The following DDX47 variants were observed in gnomAD, a reference collection of about 807,000 sequenced individuals.
The protein encoded by DDX47 is DEAD-box helicase 47.
Under a neutral mutation model 58.8 loss-of-function variants are expected in DDX47, and 60 were observed. The ratio of observed to expected loss-of-function variants is 1.02; its 90% CI spans 0.83 to 1.26. The LOEUF (loss-of-function observed/expected upper bound fraction) is 1.26, where lower values mean the gene tolerates loss of function less well. DDX47 is among the 50% of genes most tolerant of loss of function. DDX47 has a pLI of 0.00. For missense variants in DDX47, 530 were observed against 573.2 expected (o/e 0.92, Z 0.77); for synonymous variants, 197 against 204.6 (o/e 0.96, Z 0.32).
intron 11 of DDX47, among the ~76,000 whole-genome samples, chr12:12,827,766 T>G (rs1863074542): frequency 6.6e-6 from 1 of 152,192 alleles, no homozygotes; most frequent in African/African-American, 2.4e-5. Context: ...TTATGGGGTT[T>G]TATGAGCACC....
chr12:12,813,738 C>G (rs1862850564), intron 1 of DDX47, among the ~76,000 whole-genome samples: 2 of 152,156 alleles, frequency 1.3e-5, no homozygotes, highest in Admixed American at 1.3e-4. Flanking sequence ...GAATTGGTCT[C>G]TTTATAACTG....
chr12:12,829,549 C>G lies in DDX47; in HGVS notation c.1363C>G (p.Arg455Gly). ...AGGAAAAATGAAGAAGCGGAAAGGC[C>G]GTTAATCACTTTTATGAAGGCTCGA... ...AGGKMKKRKGR is the reference protein window; with the variant it reads ...AGGKMKKRKGG Residue 455 changes from arginine to glycine, a missense_variant, in exon 12 of 12, where the codon CGT becomes GGT. Transcript: ENST00000358007. The G allele has an allele frequency of 6.2e-7, 1 of 1,613,140 alleles. No individual in the cohort carries two copies. The highest frequency in any genetic ancestry group is 1.3e-5 in the African/African-American group (1 of 74,960).
intron 2 of DDX47, among the ~76,000 whole-genome samples, chr12:12,816,063 A>C (rs896930790): frequency 6.6e-6 from 1 of 152,162 alleles, no homozygotes; most frequent in Non-Finnish European, 1.5e-5. Context: ...AGGGGTGGGG[A>C]AAATCTAAGT....
At chr12:12,829,014 A>T (rs1315706905) in intron 11 of DDX47, among the ~76,000 whole-genome samples, 1 of 152,182 alleles carries the variant, frequency 6.6e-6, no homozygotes, top group East Asian at 1.9e-4. Flanking sequence ...TTACTTCCTT[A>T]GAATAAATTC....
At chr12:12,815,343 A>G (rs1412878567) in intron 2 of DDX47, among the ~76,000 whole-genome samples, 1 of 152,162 alleles carries the variant, frequency 6.6e-6, no homozygotes, top group African/African-American at 2.4e-5. Context: ...ACAAAATTCC[A>G]TTTGCTCTTT....
chr12:12,819,189 A>C (rs1008579654), intron 2 of DDX47, among the ~76,000 whole-genome samples: 8 of 152,050 alleles, frequency 5.3e-5, no homozygotes, highest in Non-Finnish European at 1.0e-4. Flanking sequence ...GTTCTTTCTC[A>C]GTCTCTTCTT....
intron 7 of DDX47, 177 bp from the exon 8 acceptor site, chr12:12,823,693 G>A: frequency 1.6e-6 from 1 of 637,022 alleles, no homozygotes; most frequent in South Asian, 2.0e-5. Context: ...AAGGCTAAGT[G>A]GGGAATATGT....
At position 12,821,494 on chromosome 12, in the gene DDX47, A is replaced by G. The variant is rs979313232; in HGVS notation, c.370+98A>G. On this transcript the variant is annotated intron_variant, in intron 3 of 11. Transcript: ENST00000358007. The stretch of plus-strand genomic sequence containing the variant: ...GAGGAAAGTATTGCTAGCATAATTT[A>G]TTGACCTAAAGAGCTAATGTTGTAT... The G allele has an allele frequency of 8.0e-6, 12 of 1,492,966 alleles. No homozygotes were observed. The Admixed American group carries it at 1.2e-4, about 15-fold the overall frequency. The allele number at this position is 1,492,966 out of a possible 1,614,324, so 92.5% of individuals were successfully genotyped here.
intron 9 of DDX47, among the ~76,000 whole-genome samples, chr12:12,825,409 AACAGCATC>A (rs1863037846): frequency 6.6e-6 from 1 of 152,162 alleles, no homozygotes; most frequent in Non-Finnish European, 1.5e-5. Flanking sequence ...CCCAGTAGAT[AACAGCATC>A]ACACAGTCTT....
chr12:12,821,679 C>A lies in DDX47; in HGVS notation c.395C>A (p.Ser132Ter), dbSNP rs1426392252. The change falls in exon 4 of 12, where the codon TCA (serine) becomes TAA (stop). Residue 132 changes from serine (S) to a stop codon, truncating the protein, a stop_gained. Transcript: ENST00000358007. LOFTEE classifies it high-confidence loss of function. Reference protein sequence around the residue: ...QSAVIVGGIDSMSQSLALAKK... With the variant: ...QSAVIVGGID The stretch of plus-strand genomic sequence containing the variant: ...GCTGTGATTGTAGGTGGAATTGATT[C>A]AATGTCTCAATCTTTGGCCCTTGCA... 1.2e-6 allele frequency: 2 copies of A among 1,613,810 alleles called. No homozygotes were observed. The highest frequency in any genetic ancestry group is 1.7e-6 in the Non-Finnish European group (2 of 1,179,890).
rs532810195 is a variant in DDX47, at chr12:12,827,022, G to A, written c.1107-224G>A. ...TTCTCCTGCTTTGACCTCCCAAAGC[G>A]TTGGGATTACAGGTGCAAGCCACCA... On this transcript the variant is annotated intron_variant, in intron 10 of 11. Coordinates refer to ENST00000358007, the MANE Select transcript of DDX47 (RefSeq NM_016355.4). Among the ~76,000 whole-genome samples the A allele has an allele frequency of 1.2e-4, 19 of 152,266 alleles. 1 individual carries two copies. The South Asian group carries it at 3.3e-3, about 27-fold the overall frequency.
chr12:12,821,887 CTT>C, intron 4 of DDX47, 76 bp from the exon 5 acceptor site: 1 of 1,220,908 alleles, frequency 8.2e-7, no homozygotes, highest in Non-Finnish European at 1.2e-6. Flanking sequence ...GGGCAGATAA[CTT>C]TATTTGTTTA....
chr12:12,823,687 C>T, intron 7 of DDX47, 183 bp from the exon 8 acceptor site: 1 of 625,990 alleles, frequency 1.6e-6, no homozygotes, highest in Non-Finnish European at 2.7e-6. Flanking sequence ...TGCCTTAAGG[C>T]TAAGTGGGGA....
Position 12,829,803 on chromosome 12 carries a change from T to TTAA in DDX47, c.*249_*250insTAA. On this transcript the variant is annotated 3_prime_UTR_variant, in exon 12 of 12. Coordinates refer to ENST00000358007, the MANE Select transcript of DDX47 (RefSeq NM_016355.4). ...ATGACATGAGTAGGGTGTGCTCTTC[T>TTAA]GTCACTTCACACAGACCTTTTGCCT... is the stretch of plus-strand genomic sequence containing the variant. The TTAA allele has an allele frequency of 2.9e-6, 1 of 343,340 alleles. No homozygotes were observed. The allele number at this position is 343,340 out of a possible 1,614,324, so 21.3% of individuals were successfully genotyped here.
At chr12:12,818,348 C>T (rs1471574917) in intron 2 of DDX47, among the ~76,000 whole-genome samples, 3 of 152,012 alleles carry the variant, frequency 2.0e-5, no homozygotes, top group South Asian at 4.1e-4. Context: ...GGTGAAACCC[C>T]GTCTCTACTA....
chr12:12,829,613 C>T lies in DDX47; in HGVS notation c.*59C>T. ...GTAAAAGAGAATTGGAGAATGAAAC[C>T]TGCTCCAACAGAGATCATGAGACTG... is the stretch of plus-strand genomic sequence containing the variant. On this transcript the variant is annotated 3_prime_UTR_variant, in exon 12 of 12. Transcript: ENST00000358007. The T allele has an allele frequency of 6.3e-7, 1 of 1,583,008 alleles. No individual in the cohort carries two copies. The highest frequency in any genetic ancestry group is 1.8e-5 in the Admixed American group (1 of 56,028).
At chr12:12,822,839 C>T (rs961019789) in intron 6 of DDX47, 107 bp downstream of exon 6, 1 of 902,186 alleles carries the variant, frequency 1.1e-6, no homozygotes. Context: ...TTTCACACTG[C>T]TATAAAGAAC....
At chr12:12,814,301 A>C in intron 2 of DDX47, 77 bp downstream of exon 2, 1 of 916,960 alleles carries the variant, frequency 1.1e-6, no homozygotes, top group Non-Finnish European at 1.8e-6. Flanking sequence ...TGTTGCTTGC[A>C]TACTTCAAGT....
chr12:12,813,399 C>T lies in DDX47; in HGVS notation c.32C>T (p.Thr11Ile), dbSNP rs1480227856. The change falls in exon 1 of 12, where the codon ACC becomes ATC. Residue 11 changes from threonine to isoleucine, a missense_variant. Coordinates refer to ENST00000358007, the MANE Select transcript of DDX47 (RefSeq NM_016355.4). ...GCACCCGAGGAACACGATTCTCCGA[C>T]CGAAGCGTCCCAGCCGATTGTGGAA... MAAPEEHDSPTEASQPIVEEE... is the reference protein window; with the variant it reads MAAPEEHDSPIEASQPIVEEE... 6.2e-7 allele frequency: 1 copy of T among 1,613,408 alleles called. No individual in the cohort carries two copies. Among genetic ancestry groups the T allele is most frequent in the Non-Finnish European group, 8.5e-7 (1 of 1,179,768 alleles).
Sources: gnomAD v4.1 joint callset for allele counts (sites outside exome capture counted in the v4.1 genomes callset) on GRCh38, gnomAD v4.1.1 for gene constraint, MANE v1.5 for transcripts, NCBI Gene and HGNC (gene_info 2026-07-23, HGNC 2026-07-21) for gene names.